Variants in PRSS23 observed in about 807,000 individuals in gnomAD.
The protein encoded by PRSS23 is serine protease 23.
PRSS23 carries 25 observed loss-of-function variants against 34.7 expected under a neutral mutation model. That is an observed-to-expected ratio of 0.72 (90% CI 0.53 to 1.01). The LOEUF (loss-of-function observed/expected upper bound fraction) is 1.01, where lower values mean the gene tolerates loss of function less well. Ranked by LOEUF, PRSS23 falls within the 50% of genes least tolerant of loss-of-function variation. The pLI is 0.00. For synonymous variants in PRSS23, 176 were observed against 186.6 expected, an observed-to-expected ratio of 0.94 and a Z score of 0.46; for missense variants, 445 against 475.6, an observed-to-expected ratio of 0.94 and a Z score of 0.60.
chr11:86,851,049 C>G (rs1237725617), intron 2 of PRSS23, among the ~76,000 whole-genome samples: 2 of 152,174 alleles, frequency 1.3e-5, no homozygotes, highest in Admixed American at 6.5e-5. Flanking sequence ...TTAGACGTTA[C>G]AAGAGGATTG....
At chr11:86,847,386 C>T (rs561280566) in intron 2 of PRSS23, among the ~76,000 whole-genome samples, 23 of 152,310 alleles carry the variant, frequency 1.5e-4, no homozygotes, top group Non-Finnish European at 2.9e-4. Context: ...TCCAACAGTC[C>T]TTGTGCCCCA....
chr11:86,935,850 G>A (rs1253618120), intron 2 of PRSS23: 1 of 152,092 alleles, frequency 6.6e-6, no homozygotes, highest in Admixed American at 6.6e-5. Flanking sequence ...TAGCCACTTA[G>A]GACAAACATC....
At chr11:86,851,300 A>G (rs568784416) in intron 2 of PRSS23, among the ~76,000 whole-genome samples, 1 of 152,366 alleles carries the variant, frequency 6.6e-6, no homozygotes, top group East Asian at 1.9e-4. Context: ...CAAGAGCTGT[A>G]AGGAAAGCCA....
chr11:86,896,509 C>A (rs752153246), intron 2 of PRSS23: 2 of 152,248 alleles, frequency 1.3e-5, no homozygotes, highest in South Asian at 4.1e-4. Context: ...AGCTCTCTTT[C>A]AGCATCAGCC....
At chr11:86,875,019 A>G (rs1010642197) in intron 2 of PRSS23, among the ~76,000 whole-genome samples, 4 of 152,184 alleles carry the variant, frequency 2.6e-5, no homozygotes, top group African/African-American at 9.7e-5. Flanking sequence ...TTAGAGGCTT[A>G]GGACCCCAAG....
At chr11:86,945,264 G>A (rs1425422409) in intron 2 of PRSS23, among the ~76,000 whole-genome samples, 1 of 151,188 alleles carries the variant, frequency 6.6e-6, no homozygotes, top group Non-Finnish European at 1.5e-5. Flanking sequence ...TTTTTTAAGA[G>A]GCCAAAAGTT....
chr11:86,869,050 C>T (rs1424469319), intron 2 of PRSS23, among the ~76,000 whole-genome samples: 1 of 152,084 alleles, frequency 6.6e-6, no homozygotes, highest in Non-Finnish European at 1.5e-5. Context: ...TGGAGTCAAG[C>T]GATCTGCCTG....
intron 1 of PRSS23, among the ~76,000 whole-genome samples, chr11:86,795,093 T>G (rs1947972650): frequency 6.6e-6 from 1 of 152,170 alleles, no homozygotes; most frequent in Non-Finnish European, 1.5e-5. Context: ...GGGATACATT[T>G]TTTCTTATAA....
At chr11:86,935,914 T>C (rs1949158689) in intron 2 of PRSS23, 1 of 152,176 alleles carries the variant, frequency 6.6e-6, no homozygotes, top group Admixed American at 6.5e-5. Context: ...TCAAATATTA[T>C]TGAAAATTTC....
At chr11:86,813,607 C>A (rs1379259837), downstream of PRSS23, among the ~76,000 whole-genome samples, 1 of 152,016 alleles carries the variant, frequency 6.6e-6, no homozygotes, top group African/African-American at 2.4e-5. Flanking sequence ...AGAGATCACA[C>A]AGAAATATTT....
At chr11:86,880,820 C>T (rs1462114922) in intron 2 of PRSS23, among the ~76,000 whole-genome samples, 5 of 152,138 alleles carry the variant, frequency 3.3e-5, no homozygotes, top group African/African-American at 9.7e-5. Flanking sequence ...GCAAAGGACA[C>T]GATCTCATTA....
chr11:86,880,093 C>T (rs567684183), intron 2 of PRSS23, among the ~76,000 whole-genome samples: 1 of 152,170 alleles, frequency 6.6e-6, no homozygotes, highest in East Asian at 1.9e-4. Context: ...TCATTTTGTT[C>T]TGTACTAAGA....
intron 2 of PRSS23, among the ~76,000 whole-genome samples, chr11:86,894,479 C>T (rs539542950): frequency 6.6e-6 from 1 of 152,166 alleles, no homozygotes; most frequent in Admixed American, 6.5e-5. Flanking sequence ...AGACCCTTTG[C>T]AATTTTTCCT....
intron 2 of PRSS23, among the ~76,000 whole-genome samples, chr11:86,918,374 T>C (rs1192998687): frequency 3.9e-5 from 6 of 152,198 alleles, no homozygotes; most frequent in Non-Finnish European, 7.4e-5. Flanking sequence ...TGTATTCATA[T>C]ATTGTTTATG....
chr11:86,856,303 T>C (rs1211075264), intron 2 of PRSS23, among the ~76,000 whole-genome samples: 2 of 149,636 alleles, frequency 1.3e-5, no homozygotes, highest in African/African-American at 2.5e-5. Context: ...AACTTCATCA[T>C]TGAAACAGTC....
chr11:86,874,586 T>C (rs1948710156), intron 2 of PRSS23, among the ~76,000 whole-genome samples: 2 of 152,236 alleles, frequency 1.3e-5, no homozygotes, highest in African/African-American at 4.8e-5. Context: ...AGATTTCTCT[T>C]CTTCCAAAAC....
At chr11:86,822,914 C>T (rs1233446340) in intron 1 of PRSS23, among the ~76,000 whole-genome samples, 1 of 152,168 alleles carries the variant, frequency 6.6e-6, no homozygotes, top group African/African-American at 2.4e-5. Context: ...GGGTGGGAAG[C>T]CAAGCCATTG....
chr11:86,832,089 C>A (rs766284499), intron 2 of PRSS23, among the ~76,000 whole-genome samples: 1 of 151,960 alleles, frequency 6.6e-6, no homozygotes, highest in Non-Finnish European at 1.5e-5. Context: ...ATGTACACCC[C>A]CTGTGATATT....
chr11:86,951,534 C>A, exon 3 of PRSS23: 1 of 1,614,146 alleles, frequency 6.2e-7, no homozygotes. Context: ...ACCAAACCTG[C>A]AGCAATGAAC....
Sources: gnomAD v4.1 joint callset for allele counts (sites outside exome capture counted in the v4.1 genomes callset) on GRCh38, gnomAD v4.1.1 for gene constraint, MANE v1.5 for transcripts, NCBI Gene and HGNC (gene_info 2026-07-23, HGNC 2026-07-21) for gene names.